CSMD1: variants seen among roughly 807,000 people sequenced by gnomAD.
The protein encoded by CSMD1 is CUB and sushi domain-containing protein 1.
CSMD1 carries 213 observed loss-of-function variants against 417.5 expected under a neutral mutation model. The observed-to-expected ratio is 0.51, with a 90% CI of 0.46 to 0.57. The LOEUF (loss-of-function observed/expected upper bound fraction) is 0.57, where lower values mean the gene tolerates loss of function less well. Among genes scored for constraint, CSMD1 ranks in the 20% least tolerant of loss-of-function variants. The pLI, the probability that CSMD1 is intolerant of heterozygous loss-of-function variation, is 0.00. For synonymous variants in CSMD1, 2,862 were observed against 1,736.8 expected, an observed-to-expected ratio of 1.65 and a Z score of -16.11; for missense variants, 6,923 against 4,529.7, an observed-to-expected ratio of 1.53 and a Z score of -15.17.
At position 4,555,655 on chromosome 8, in the gene CSMD1, C is replaced by G. The variant is rs149309636; in HGVS notation, c.302+81687G>C. Among the ~76,000 whole-genome samples, 631 of 152,236 alleles carry G rather than the reference C, an allele frequency of 4.1e-3. 2 individuals are homozygous for G. Among genetic ancestry groups the G allele is most frequent in the Non-Finnish European group, 7.4e-3 (502 of 68,014 alleles). On this transcript the variant is annotated intron_variant, in intron 2 of 69. Coordinates refer to ENST00000635120, the MANE Select transcript of CSMD1 (RefSeq NM_033225.6). The stretch of plus-strand genomic sequence containing the variant: ...TTCATGATAAAAATGCTGCTTTTGT[C>G]AGAATTCAATCAGCAATGGAGAGGA...
chr8:4,413,528 T>G (rs185176535), intron 3 of CSMD1, among the ~76,000 whole-genome samples: 15 of 152,288 alleles, frequency 9.8e-5, no homozygotes, highest in African/African-American at 2.6e-4. Context: ...AAAATGTTAG[T>G]GTTCATGTAC....
At chr8:2,995,660 TG>T (rs1806829193) in intron 54 of CSMD1, among the ~76,000 whole-genome samples, 1 of 152,060 alleles carries the variant, frequency 6.6e-6, no homozygotes, top group Non-Finnish European at 1.5e-5. Context: ...CGTCCTTCAA[TG>T]GGTAAATGGT....
chr8:4,815,372 G>C (rs1363038160), intron 1 of CSMD1, among the ~76,000 whole-genome samples: 1 of 152,112 alleles, frequency 6.6e-6, no homozygotes, highest in South Asian at 2.1e-4. Context: ...TTGTGGACAC[G>C]TAGCCATGTG....
At chr8:3,755,546 C>T (rs543087020) in intron 5 of CSMD1, among the ~76,000 whole-genome samples, 10 of 152,178 alleles carry the variant, frequency 6.6e-5, no homozygotes, top group African/African-American at 1.2e-4. Flanking sequence ...CTGTGAGCGC[C>T]GCAGCTGCTT....
At chr8:3,709,709 T>TTTTTTTTTTTTTTTTTTTTTTTTTTTG (rs1554518391) in intron 6 of CSMD1, among the ~76,000 whole-genome samples, 1 of 129,510 alleles carries the variant, frequency 7.7e-6, no homozygotes, top group Non-Finnish European at 1.6e-5. Context: ...TTTTTTTTTT[T>TTTTTTTTTTTTTTTTTTTTTTTTTTTG]CCCTGCTTTC....
At chr8:4,274,221 C>T (rs1400682282) in intron 3 of CSMD1, among the ~76,000 whole-genome samples, 4 of 152,092 alleles carry the variant, frequency 2.6e-5, no homozygotes, top group South Asian at 4.2e-4. Context: ...TTATAAAGTC[C>T]AGGCCTCTGA....
chr8:3,849,590 G>T (rs1585087934), intron 5 of CSMD1, among the ~76,000 whole-genome samples: 1 of 152,264 alleles, frequency 6.6e-6, no homozygotes, highest in South Asian at 2.1e-4. Flanking sequence ...CTCCACATGG[G>T]AAAAGAACAG....
intron 37 of CSMD1, 137 bp downstream of exon 37, chr8:3,180,973 C>G: frequency 3.1e-6 from 2 of 640,596 alleles, no homozygotes; most frequent in Non-Finnish European, 5.5e-6. Flanking sequence ...GATTTCATAA[C>G]ACTAAATTTC....
intron 5 of CSMD1, among the ~76,000 whole-genome samples, chr8:3,991,742 G>A (rs1186723596): frequency 6.6e-6 from 1 of 152,128 alleles, no homozygotes; most frequent in Non-Finnish European, 1.5e-5. Flanking sequence ...AATTAGCGAT[G>A]AAATGTGGTC....
chr8:4,344,233 TGCC>T (rs1800648186), intron 3 of CSMD1, among the ~76,000 whole-genome samples: 1 of 152,146 alleles, frequency 6.6e-6, no homozygotes, highest in Non-Finnish European at 1.5e-5. Flanking sequence ...TTCCCAAAGG[TGCC>T]TCTGACACAA....
At chr8:3,962,465 T>A (rs1253699615) in intron 5 of CSMD1, among the ~76,000 whole-genome samples, 6 of 152,244 alleles carry the variant, frequency 3.9e-5, no homozygotes, top group Admixed American at 1.3e-4. Flanking sequence ...ATGGATCTCC[T>A]TGGATGTCAC....
intron 5 of CSMD1, among the ~76,000 whole-genome samples, chr8:3,821,642 C>T (rs1301409606): frequency 2.0e-5 from 3 of 152,044 alleles, no homozygotes; most frequent in African/African-American, 7.2e-5. Flanking sequence ...ATTAGCCGGG[C>T]ATGGTGGCAC....
At chr8:4,290,900 A>T (rs1797324181) in intron 3 of CSMD1, among the ~76,000 whole-genome samples, 1 of 152,200 alleles carries the variant, frequency 6.6e-6, no homozygotes, top group South Asian at 2.1e-4. Flanking sequence ...GCTCTCTGTA[A>T]TTCCGCCAGT....
At chr8:4,749,413 AG>A (rs1408427894) in intron 1 of CSMD1, among the ~76,000 whole-genome samples, 3 of 152,220 alleles carry the variant, frequency 2.0e-5, no homozygotes, top group Non-Finnish European at 2.9e-5. Flanking sequence ...TATATTCTGA[AG>A]GTGTTTAGAG....
intron 2 of CSMD1, among the ~76,000 whole-genome samples, chr8:4,464,375 T>C (rs1271812099): frequency 1.3e-5 from 2 of 152,182 alleles, no homozygotes; most frequent in African/African-American, 4.8e-5. Context: ...GTGATGAAAA[T>C]GCATTTAATA....
chr8:2,955,731 C>A lies in CSMD1; in HGVS notation c.9852G>T (p.Ala3284=), dbSNP rs201203325. ...ACRQPETPAH[A]DVRAIDLPTF... ...TAGGAAGATCGATGGCTCTCACATC[C>A]GCGTGTGCCGGGGTTTCTGGCTGTC... is the stretch of plus-strand genomic sequence containing the variant. The change falls in exon 64 of 70, where the codon GCG becomes GCT. Residue 3284 remains alanine, a synonymous_variant. Transcript: ENST00000635120. 2 of 1,613,684 alleles carry A rather than the reference C, an allele frequency of 1.2e-6. No homozygotes were observed. Among genetic ancestry groups the A allele is most frequent in the East Asian group, 2.2e-5 (1 of 44,898 alleles).
chr8:2,988,499 T>C (rs1806119349), intron 54 of CSMD1, among the ~76,000 whole-genome samples: 1 of 152,158 alleles, frequency 6.6e-6, no homozygotes, highest in Non-Finnish European at 1.5e-5. Context: ...CTCTTAGGCA[T>C]AGTGACACAT....
chr8:3,320,786 A>C (rs1000050021), intron 23 of CSMD1, among the ~76,000 whole-genome samples: 3 of 152,166 alleles, frequency 2.0e-5, no homozygotes, highest in Non-Finnish European at 4.4e-5. Flanking sequence ...CTTATTCCTG[A>C]GGCATTAATA....
At chr8:3,278,630 T>G (rs1584917368) in intron 26 of CSMD1, 1 of 148,258 alleles carries the variant, frequency 6.7e-6, no homozygotes, top group Non-Finnish European at 1.5e-5. Context: ...CACAACACAA[T>G]CTAATTTATA....
Sources: gnomAD v4.1 joint callset for allele counts (sites outside exome capture counted in the v4.1 genomes callset) on GRCh38, gnomAD v4.1.1 for gene constraint, MANE v1.5 for transcripts, NCBI Gene and HGNC (gene_info 2026-07-23, HGNC 2026-07-21) for gene names.